EPB41L4B: variants seen among roughly 807,000 people sequenced by gnomAD.
EPB41L4B encodes the protein band 4.1-like protein 4B.
Under a neutral mutation model 112.5 loss-of-function variants are expected in EPB41L4B, and 30 were observed. The ratio of observed to expected loss-of-function variants is 0.27; its 90% CI spans 0.20 to 0.36. EPB41L4B has a LOEUF of 0.36. EPB41L4B is among the 10% of genes least tolerant of loss of function. The probability of loss-of-function intolerance (pLI) is 1.00; values close to 1 mark genes in which losing one functional copy is unlikely to be tolerated. For missense variants in EPB41L4B, 1,024 were observed against 1,133.3 expected (o/e 0.90, Z 1.38); for synonymous variants, 408 against 439.7 (o/e 0.93, Z 0.90).
chr9:109,226,697 A>AAGAAT (rs1554750184), intron 15 of EPB41L4B, among the ~76,000 whole-genome samples: 1 of 134,184 alleles, frequency 7.5e-6, no homozygotes, highest in Non-Finnish European at 1.6e-5. Flanking sequence ...TATATATATG[A>AAGAAT]ATATATATAT....
At chr9:109,198,764 G>C (rs1267294952) in intron 20 of EPB41L4B, among the ~76,000 whole-genome samples, 1 of 151,984 alleles carries the variant, frequency 6.6e-6, no homozygotes, top group East Asian at 1.9e-4. Context: ...AAAAAAATTA[G>C]CTGGGTGTGG....
At position 109,200,985 on chromosome 9, in the gene EPB41L4B, AT is replaced by A. The variant is rs1306228680; in HGVS notation, c.1947-652del. ...TAATTTTAAGGAAAATTTTTAATGC[AT>A]TTTTGTAGTGGTCATGACTAATTTC... On this transcript the variant is annotated intron_variant, in intron 19 of 25. Transcript: ENST00000374566. Among the ~76,000 whole-genome samples, 8 of 152,312 alleles carry A rather than the reference AT, an allele frequency of 5.3e-5. No homozygotes were observed. In the East Asian group the frequency reaches 1.5e-3, roughly 29 times the overall value.
rs753056464 is a variant in EPB41L4B, at chr9:109,320,216, G to A, written c.231C>T (p.Ala77=). ...LTGGAAVHIS[A]AGAAKATLYC... ...AGAGGGTGGCCTTGGCGGCGCCGGC[G>A]GCGGAGATGTGCACGGCCGCGCCGC... is the stretch of plus-strand genomic sequence containing the variant. Residue 77 remains alanine (A), a synonymous_variant, in exon 1 of 26, where the codon GCC becomes GCT. Transcript: ENST00000374566. 1 of 1,425,162 alleles carries A rather than the reference G, an allele frequency of 7.0e-7. No homozygotes were observed. Among genetic ancestry groups the A allele is most frequent in the Non-Finnish European group, 9.2e-7 (1 of 1,084,656 alleles). 88.3% of individuals were successfully genotyped at this position (1,425,162 alleles called of 1,614,324 possible).
intron 14 of EPB41L4B, among the ~76,000 whole-genome samples, chr9:109,245,786 C>T (rs1173013542): frequency 2.0e-5 from 3 of 152,192 alleles, no homozygotes; most frequent in Non-Finnish European, 4.4e-5. Context: ...TATTCCCAAC[C>T]CTTGATAGAA....
At chr9:109,298,705 A>G (rs1367136936) in intron 1 of EPB41L4B, among the ~76,000 whole-genome samples, 2 of 152,200 alleles carry the variant, frequency 1.3e-5, no homozygotes, top group African/African-American at 2.4e-5. Flanking sequence ...CACAAATAGG[A>G]AATTATTTAC....
chr9:109,172,947 C>T lies in EPB41L4B; in HGVS notation c.*1607G>A, dbSNP rs1831683410. ...TACAATATAACATAAAAATACAGTTCTGATACAAATATATGAGATCAGTTC... is the reference window on the plus strand; with the variant it reads ...TACAATATAACATAAAAATACAGTTTTGATACAAATATATGAGATCAGTTC... On this transcript the variant is annotated 3_prime_UTR_variant, in exon 26 of 26. Transcript: ENST00000374566. The T allele has an allele frequency of 6.6e-6, 1 of 152,518 alleles. No homozygotes were observed. The highest frequency in any genetic ancestry group is 2.4e-5 in the African/African-American group (1 of 41,414). 9.4% of individuals were successfully genotyped at this position (152,518 alleles called of 1,614,324 possible). A position where few individuals can be genotyped will look rare whatever the true frequency, so the allele number is the denominator to read the frequency against.
intron 15 of EPB41L4B, among the ~76,000 whole-genome samples, chr9:109,228,495 C>T (rs906816703): frequency 6.6e-6 from 1 of 152,180 alleles, no homozygotes; most frequent in African/African-American, 2.4e-5. Flanking sequence ...GACCATTTTT[C>T]TGAGCCTAAA....
At chr9:109,280,418 C>A (rs1408915059) in intron 1 of EPB41L4B, among the ~76,000 whole-genome samples, 4 of 152,196 alleles carry the variant, frequency 2.6e-5, no homozygotes, top group Admixed American at 2.6e-4. Flanking sequence ...CAGGCCATAA[C>A]CAGGACTCAA....
intron 6 of EPB41L4B, among the ~76,000 whole-genome samples, chr9:109,261,104 G>A (rs1366083470): frequency 6.6e-6 from 1 of 152,200 alleles, no homozygotes; most frequent in East Asian, 1.9e-4. Flanking sequence ...AAAGCCACTT[G>A]CTAAGTGGGT....
chr9:109,319,986 G>C (rs1837793374), intron 1 of EPB41L4B, among the ~76,000 whole-genome samples, 155 bp downstream of exon 1: 1 of 152,104 alleles, frequency 6.6e-6, no homozygotes, highest in African/African-American at 2.4e-5. Context: ...GGTGGCCCAA[G>C]AAGAAAAAGG....
At chr9:109,211,318 G>A (rs567958753) in intron 17 of EPB41L4B, among the ~76,000 whole-genome samples, 1 of 152,152 alleles carries the variant, frequency 6.6e-6, no homozygotes, top group Non-Finnish European at 1.5e-5. Context: ...AGTGTGGCCA[G>A]GCATGGTGGC....
Position 109,255,575 on chromosome 9 carries a change from T to A in EPB41L4B, c.1105A>T (p.Thr369Ser). 6.2e-7 allele frequency: 1 copy of A among 1,614,250 alleles called. No homozygotes were observed. Among genetic ancestry groups the A allele is most frequent in the Non-Finnish European group, 8.5e-7 (1 of 1,180,036 alleles). ...CTATTGGATTTGCTGTTTCCTGGCG[T>A]CCGCAGTCGGAAGAATGCGTGGTGC... Reference protein sequence around the residue: ...VEHHAFFRLRTPGNSKSNRSD... With the variant: ...VEHHAFFRLRSPGNSKSNRSD... Residue 369 changes from threonine (T) to serine (S), a missense_variant, in exon 11 of 26, where the codon ACG becomes TCG. Thr to Ser is a moderately conservative substitution (Grantham distance 58). Coordinates refer to ENST00000374566, the MANE Select transcript of EPB41L4B (RefSeq NM_019114.5).
At chr9:109,306,208 A>G (rs911262851) in intron 1 of EPB41L4B, among the ~76,000 whole-genome samples, 1 of 152,232 alleles carries the variant, frequency 6.6e-6, no homozygotes, top group African/African-American at 2.4e-5. Flanking sequence ...GAAATGATCA[A>G]AGGTGAAAGC....
At chr9:109,308,341 C>T (rs548801292) in intron 1 of EPB41L4B, among the ~76,000 whole-genome samples, 2 of 152,154 alleles carry the variant, frequency 1.3e-5, no homozygotes, top group Non-Finnish European at 2.9e-5. Flanking sequence ...AGACCATTCC[C>T]GGTACTAACT....
At chr9:109,184,921 C>A (rs1251718257) in intron 23 of EPB41L4B, among the ~76,000 whole-genome samples, 1 of 152,116 alleles carries the variant, frequency 6.6e-6, no homozygotes, top group Non-Finnish European at 1.5e-5. Flanking sequence ...AAGCTAGAAA[C>A]AACATAGCAG....
At chr9:109,190,768 C>T (rs1053397211) in intron 22 of EPB41L4B, among the ~76,000 whole-genome samples, 8 of 152,206 alleles carry the variant, frequency 5.3e-5, no homozygotes, top group Admixed American at 3.9e-4. Flanking sequence ...CCTGTCTGGG[C>T]CTTGGTTTTC....
rs528173337 is a variant in EPB41L4B at position 109,268,625 on chromosome 9, G to A, written c.412-192C>T. On this transcript the variant is annotated intron_variant, in intron 2 of 25. Transcript: ENST00000374566. ...ATAAAAAATTCAACGTTGGCCGGGC[G>A]CGGTGGCTCACGCCTGTAATCCCAG... is the stretch of plus-strand genomic sequence containing the variant. Among the ~76,000 whole-genome samples, 16 of 152,208 alleles carry A rather than the reference G, an allele frequency of 1.1e-4. No individual in the cohort carries two copies. In the East Asian group the frequency reaches 1.4e-3, roughly 13 times the overall value.
At chr9:109,311,957 G>C (rs1837429092) in intron 1 of EPB41L4B, among the ~76,000 whole-genome samples, 1 of 152,150 alleles carries the variant, frequency 6.6e-6, no homozygotes, top group Non-Finnish European at 1.5e-5. Flanking sequence ...CTTGGAGATG[G>C]GGCTGCCTGA....
chr9:109,194,711 G>A (rs972168719), intron 20 of EPB41L4B, among the ~76,000 whole-genome samples: 4 of 152,098 alleles, frequency 2.6e-5, no homozygotes, highest in African/African-American at 7.2e-5. Flanking sequence ...ACAATATTGT[G>A]CAACCATTGC....
Sources: allele counts gnomAD v4.1 joint callset (sites outside exome capture counted in the v4.1 genomes callset), GRCh38; gene constraint gnomAD v4.1.1; transcripts MANE v1.5; gene names NCBI Gene and HGNC (gene_info 2026-07-23, HGNC 2026-07-21).